TTC14: variants seen among roughly 807,000 people sequenced by gnomAD.
TTC14 encodes the protein tetratricopeptide repeat domain 14, also known as tetratricopeptide repeat protein 14.
In TTC14, 63 loss-of-function variants were observed where a neutral mutation model predicts 79.9. That is an observed-to-expected ratio of 0.79 (90% confidence interval 0.64 to 0.97). The LOEUF is 0.97. Ranked by LOEUF, TTC14 falls within the 50% of genes least tolerant of loss-of-function variation. TTC14 has a pLI of 0.00. For missense variants in TTC14, 895 were observed against 894.0 expected, an observed-to-expected ratio of 1.00 and a Z score of -0.01; for synonymous variants, 335 against 309.6, an observed-to-expected ratio of 1.08 and a Z score of -0.86.
chr3:180,616,330 C>CT (rs753252051), intron 12 of TTC14: 4 of 1,613,112 alleles, frequency 2.5e-6, no homozygotes, highest in Non-Finnish European at 3.4e-6. Context: ...TGACGACTGC[C>CT]TTTTGTGCTA....
In TTC14 at chr3:180,610,556, T is replaced by G; in HGVS notation, c.*14T>G. ...TCAAAAAATTAATACACCAAGGATATCGGCACCATTACACAAAATGCCATT... is the reference window on the plus strand; with the variant it reads ...TCAAAAAATTAATACACCAAGGATAGCGGCACCATTACACAAAATGCCATT... On this transcript the variant is annotated 3_prime_UTR_variant, in exon 12 of 12. Transcript: ENST00000296015. 6.5e-7 allele frequency: 1 copy of G among 1,542,812 alleles called. No homozygotes were observed. Among genetic ancestry groups the G allele is most frequent in the Non-Finnish European group, 8.7e-7 (1 of 1,152,664 alleles).
Position 180,607,773 on chromosome 3 carries a change from C to T in TTC14, c.1290+8C>T, listed in dbSNP as rs113785546. The T allele has an allele frequency of 1.9e-6, 3 of 1,598,426 alleles. 1 individual carries two copies. The highest frequency in any genetic ancestry group is 4.5e-5 in the East Asian group (2 of 44,544). Reference sequence around the variant, plus strand: ...CTTCATAAATATATGCAGGTGATTCCTTATTTCCTCTTAGAAATTTAGTGA... The same window carrying T: ...CTTCATAAATATATGCAGGTGATTCTTTATTTCCTCTTAGAAATTTAGTGA... On this transcript the variant is annotated splice_region_variant and intron_variant, in intron 10 of 11. Coordinates refer to ENST00000296015, the MANE Select transcript of TTC14 (RefSeq NM_133462.4).
rs772186984 is a variant in TTC14, at chr3:180,610,329, G to A, written c.2100G>A (p.Glu700=). ...GATCACGTGATTTCAGTAGACATGA[G>A]CAAAGATACCGTTTAAATACAAATC... The part of the protein sequence containing the change: ...HSGSRDFSRH[E]QRYRLNTNQG... Residue 700 remains glutamate, a synonymous_variant, in exon 12 of 12, where the codon GAG becomes GAA. Transcript: ENST00000296015. The A allele has an allele frequency of 1.2e-6, 2 of 1,612,982 alleles. No homozygotes were observed. Among genetic ancestry groups the A allele is most frequent in the Non-Finnish European group, 1.7e-6 (2 of 1,179,686 alleles).
chr3:180,617,071 A>T, intron 12 of TTC14: 2 of 662,392 alleles, frequency 3.0e-6, no homozygotes, highest in Non-Finnish European at 4.8e-6. Context: ...ATTTTTGTAC[A>T]TAATATACAT....
rs533627043 is a variant in TTC14 at position 180,610,304 on chromosome 3, G to T, written c.2075G>T (p.Gly692Val). ...VEKYKKYAHS[G>V]SRDFSRHEQR... ...AAATACAAAAAATACGCTCACTCTG[G>T]ATCACGTGATTTCAGTAGACATGAG... Residue 692 changes from glycine to valine, a missense_variant, in exon 12 of 12, where the codon GGA becomes GTA. By Grantham distance (109) the Gly-to-Val change is moderately radical (BLOSUM62 -3). Transcript: ENST00000296015. 2 of 1,613,448 alleles carry T rather than the reference G, an allele frequency of 1.2e-6. No homozygotes were observed. Among genetic ancestry groups the T allele is most frequent in the African/African-American group, 2.7e-5 (2 of 74,940 alleles).
downstream of TTC14, among the ~76,000 whole-genome samples, chr3:180,613,074 A>G (rs1028674220): frequency 5.9e-5 from 9 of 152,224 alleles, no homozygotes; most frequent in Non-Finnish European, 4.4e-5. Flanking sequence ...CATTCAATGT[A>G]AGAGAATAGT....
In TTC14 at chr3:180,610,527, TAAGTC is replaced by T; in HGVS notation, c.2301_2305del (p.Ser768LysfsTer16). 6.4e-7 allele frequency: 1 copy of T among 1,571,586 alleles called. No homozygotes were observed. The highest frequency in any genetic ancestry group is 8.6e-7 in the Non-Finnish European group (1 of 1,166,128). On this transcript the variant is annotated frameshift_variant, in exon 12 of 12. Transcript: ENST00000296015. LOFTEE classifies it high-confidence loss of function. ...CTGAATTTGAAAAAGAAAAAGGAAATAAGTCAAAAAATTAATACACCAAGGATATC... is the reference window on the plus strand; with the variant it reads ...CTGAATTTGAAAAAGAAAAAGGAAATAAAAAATTAATACACCAAGGATATC...
At chr3:180,613,260 A>G (rs943121551), downstream of TTC14, among the ~76,000 whole-genome samples, 1 of 152,222 alleles carries the variant, frequency 6.6e-6, no homozygotes, top group Non-Finnish European at 1.5e-5. Context: ...TCAAGATCAT[A>G]TATTGCCATA....
Position 180,606,281 on chromosome 3 carries a change from G to A in TTC14, c.958G>A (p.Val320Ile). The part of the protein sequence containing the change: ...CVKIGVDYFK[V>I]GRHVDAMNEY... ...GAAGATCGGAGTTGACTATTTTAAA[G>A]TTGGACGCCATGTGGATGCTATGAA... Residue 320 changes from valine (V) to isoleucine (I), a missense_variant, in exon 8 of 12, where the codon GTT (valine) becomes ATT (isoleucine). By Grantham distance (29) the Val-to-Ile change is conservative. Coordinates refer to ENST00000296015, the MANE Select transcript of TTC14 (RefSeq NM_133462.4). 6.2e-7 allele frequency: 1 copy of A among 1,614,068 alleles called. No individual in the cohort carries two copies. Among genetic ancestry groups the A allele is most frequent in the Non-Finnish European group, 8.5e-7 (1 of 1,179,964 alleles).
At chr3:180,606,030 A>C (rs1716663499) in intron 7 of TTC14, 193 bp downstream of exon 7, 1 of 817,432 alleles carries the variant, frequency 1.2e-6, no homozygotes. Context: ...TCAGCATTTC[A>C]GTTTTCTCAA....
chr3:180,617,660 G>T, exon 13 of TTC14: 2 of 398,436 alleles, frequency 5.0e-6, no homozygotes, highest in Non-Finnish European at 8.9e-6. Flanking sequence ...AGAGAATAAG[G>T]ATATAAAGAA....
chr3:180,609,846 T>C lies in TTC14; in HGVS notation c.1617T>C (p.Val539=). The change falls in exon 12 of 12, where the codon GTT becomes GTC. Residue 539 remains valine (V), a synonymous_variant. Coordinates refer to ENST00000296015, the MANE Select transcript of TTC14 (RefSeq NM_133462.4). ...DQNRKDECYP[V]PANTSASFLN... ...ATAGGAAAGATGAGTGCTACCCAGT[T>C]CCAGCTAATACTTCAGCATCTTTTC... 1.9e-6 allele frequency: 3 copies of C among 1,613,678 alleles called. No homozygotes were observed. Among genetic ancestry groups the C allele is most frequent in the Non-Finnish European group, 2.5e-6 (3 of 1,179,860 alleles).
downstream of TTC14, among the ~76,000 whole-genome samples, chr3:180,611,793 G>A (rs145192184): frequency 2.2e-4 from 34 of 152,282 alleles, no homozygotes; most frequent in East Asian, 6.6e-3. Flanking sequence ...AAGTGGGTGG[G>A]TAGCTGAGGA....
downstream of TTC14, among the ~76,000 whole-genome samples, chr3:180,611,882 C>T (rs1276030196): frequency 6.6e-6 from 1 of 152,150 alleles, no homozygotes; most frequent in Non-Finnish European, 1.5e-5. Context: ...TTCTTGCCAA[C>T]AGTAAAATGT....
Position 180,604,559 on chromosome 3 carries a change from G to A in TTC14, c.653G>A (p.Gly218Asp). 1 of 1,609,086 alleles carries A rather than the reference G, an allele frequency of 6.2e-7. No individual in the cohort carries two copies. Among genetic ancestry groups the A allele is most frequent in the Admixed American group, 1.7e-5 (1 of 59,786 alleles). ...YSSSLPPHLS[G>D]IKLGVISSEE... ...TCTTCTCTTCCACCACACCTATCTG[G>A]TATTAAATTAGGTGTAATTAGCTCT... Residue 218 changes from glycine (G) to aspartate (D), a missense_variant, in exon 5 of 12, where the codon GGT (glycine) becomes GAT (aspartate). By Grantham distance (94) the Gly-to-Asp change is moderately conservative. Transcript: ENST00000296015.
In TTC14 at chr3:180,603,177, G is replaced by T. The variant is rs904053380; in HGVS notation, c.340G>T (p.Asp114Tyr). 2 of 1,613,912 alleles carry T rather than the reference G, an allele frequency of 1.2e-6. No homozygotes were observed. The highest frequency in any genetic ancestry group is 2.7e-5 in the African/African-American group (2 of 74,878). ...LEQFMEIPSM[D>Y]RRELFFRDIE... ...GCAATTCATGGAGATACCTAGTATGGATCGGAGAGAGCTGTTTTTCCGAGA... is the reference window on the plus strand; with the variant it reads ...GCAATTCATGGAGATACCTAGTATGTATCGGAGAGAGCTGTTTTTCCGAGA... The change falls in exon 3 of 12, where the codon GAT (aspartate) becomes TAT (tyrosine). Residue 114 changes from aspartate to tyrosine, a missense_variant. Physicochemically the swap from Asp to Tyr is radical, Grantham distance 160. Coordinates refer to ENST00000296015, the MANE Select transcript of TTC14 (RefSeq NM_133462.4).
At chr3:180,616,960 C>T (rs1296058467) in intron 12 of TTC14, 1 of 1,368,206 alleles carries the variant, frequency 7.3e-7, no homozygotes, top group Non-Finnish European at 1.0e-6. Context: ...AATGTATTTT[C>T]CATGCTCTGT....
downstream of TTC14, among the ~76,000 whole-genome samples, chr3:180,611,312 G>GA (rs1176800078): frequency 2.0e-5 from 3 of 152,186 alleles, no homozygotes; most frequent in South Asian, 2.1e-4. Flanking sequence ...AATCAGAAAA[G>GA]AAAAAAATCC....
In TTC14 at chr3:180,602,234, C is replaced by T. The variant is rs375437215; in HGVS notation, c.-28C>T. 1.0e-4 allele frequency: 162 copies of T among 1,611,126 alleles called. No homozygotes were observed. The highest frequency in any genetic ancestry group is 1.2e-4 in the Non-Finnish European group (143 of 1,178,706). ...ACGGAACAGGGAACTATCAGCCCGT[C>T]GGCCTCCGGGCCCTGCATTCTCTAG... On this transcript the variant is annotated 5_prime_UTR_variant, in exon 1 of 12. Coordinates refer to ENST00000296015, the MANE Select transcript of TTC14 (RefSeq NM_133462.4).
Sources: allele counts gnomAD v4.1 joint callset (sites outside exome capture counted in the v4.1 genomes callset), GRCh38; gene constraint gnomAD v4.1.1; transcripts MANE v1.5; gene names NCBI Gene and HGNC (gene_info 2026-07-23, HGNC 2026-07-21).